The following MMP26 variants were observed in gnomAD, a reference collection of about 807,000 sequenced individuals.
MMP26 encodes matrix metallopeptidase 26.
Under a neutral mutation model 31.0 loss-of-function variants are expected in MMP26, and 33 were observed. That is an observed-to-expected ratio of 1.06 (90% CI 0.81 to 1.42). MMP26 has a LOEUF of 1.42. Ranked by LOEUF, MMP26 falls within the 40% of genes most tolerant of loss-of-function variation. The pLI is 0.00. For synonymous variants in MMP26, 122 were observed against 114.9 expected (o/e 1.06, Z -0.40); for missense variants, 347 against 316.1 (o/e 1.10, Z -0.74).
chr11:4,939,852 A>G (rs1271979459), intron 2 of MMP26, among the ~76,000 whole-genome samples: 1 of 152,116 alleles, frequency 6.6e-6, no homozygotes, highest in East Asian at 1.9e-4. Flanking sequence ...AAGATATATC[A>G]CTTATGAATT....
chr11:4,920,970 A>T (rs1851174832), intron 2 of MMP26, among the ~76,000 whole-genome samples: 1 of 152,226 alleles, frequency 6.6e-6, no homozygotes, highest in African/African-American at 2.4e-5. Context: ...CTATATGAAC[A>T]AGTGAATATT....
intron 2 of MMP26, chr11:4,821,693 C>T: frequency 6.2e-7 from 1 of 1,613,976 alleles, no homozygotes; most frequent in Non-Finnish European, 8.5e-7. Context: ...TGGTTTGAAG[C>T]CCGAGAAATC....
intron 2 of MMP26, chr11:4,848,420 G>T: frequency 3.7e-6 from 6 of 1,613,926 alleles, no homozygotes; most frequent in South Asian, 1.1e-5. Flanking sequence ...GTGCCAGGAG[G>T]ATCATAGGGA....
chr11:4,848,891 A>G (rs377187372), intron 2 of MMP26: 7 of 1,614,196 alleles, frequency 4.3e-6, no homozygotes, highest in Non-Finnish European at 5.9e-6. Flanking sequence ...CCATCTGTAG[A>G]AGGCAGGCTG....
chr11:4,724,055 G>T, intron 1 of MMP26: 1 of 658,350 alleles, frequency 1.5e-6, no homozygotes. Flanking sequence ...GTACCACTGG[G>T]GAAAAGCTTG....
chr11:4,835,229 C>CACACACAG (rs1158834424), intron 2 of MMP26, among the ~76,000 whole-genome samples: 2 of 151,636 alleles, frequency 1.3e-5, no homozygotes, highest in Non-Finnish European at 2.9e-5. Context: ...CACACACACA[C>CACACACAG]ACACATACAC....
intron 1 of MMP26, among the ~76,000 whole-genome samples, chr11:4,740,693 A>C (rs575049441): frequency 0.097 from 14,759 of 151,710 alleles, 819 homozygotes; most frequent in Non-Finnish European, 0.12. Flanking sequence ...AAAAAAAAAA[A>C]AAAAAGAAAC....
chr11:4,712,940 TG>T (rs1160200521), intron 1 of MMP26, among the ~76,000 whole-genome samples: 13 of 152,094 alleles, frequency 8.5e-5, no homozygotes, highest in Non-Finnish European at 7.4e-5. Flanking sequence ...AAACAATGGT[TG>T]TTTAAAACTG....
chr11:4,961,501 T>G (rs941967976), intron 2 of MMP26, among the ~76,000 whole-genome samples: 7 of 152,206 alleles, frequency 4.6e-5, no homozygotes, highest in African/African-American at 1.4e-4. Flanking sequence ...TCCAGTCAAG[T>G]TGACACCTAA....
intron 2 of MMP26, among the ~76,000 whole-genome samples, chr11:4,772,832 G>A (rs964617783): frequency 6.6e-6 from 1 of 152,036 alleles, no homozygotes; most frequent in African/African-American, 2.4e-5. Context: ...TTTTGTTTAG[G>A]TATCAATAAT....
At position 4,716,650 on chromosome 11, in the gene MMP26, C is replaced by CTTTTTTTTTTTTTT. The variant is rs71050424; in HGVS notation, c.-217+11620_-217+11633dup. ...ATTCCATACTTGATCTCTCTTACCTCTTTTTTTTTTTTTTTTTTTTTTTTT... is the reference window on the plus strand; with the variant it reads ...ATTCCATACTTGATCTCTCTTACCTCTTTTTTTTTTTTTTTTTTTTTTTTTTTTTTTTTTTTTTT... On this transcript the variant is annotated intron_variant, in intron 1 of 7. Transcript: ENST00000380390. Among the ~76,000 whole-genome samples the CTTTTTTTTTTTTTT allele has an allele frequency of 9.2e-5, 6 of 65,042 alleles. 1 individual carries two copies. The highest frequency in any genetic ancestry group is 2.0e-4 in the African/African-American group (3 of 14,748). 42.7% of individuals were successfully genotyped at this position (65,042 alleles called of 152,430 possible).
chr11:4,907,900 A>G, intron 2 of MMP26: 1 of 1,614,082 alleles, frequency 6.2e-7, no homozygotes, highest in Non-Finnish European at 8.5e-7. Flanking sequence ...TTTCTCACTC[A>G]TACTGTCTTC....
At chr11:4,951,981 T>C (rs1359145334) in intron 2 of MMP26, among the ~76,000 whole-genome samples, 2 of 124,350 alleles carry the variant, frequency 1.6e-5, no homozygotes, top group Non-Finnish European at 3.6e-5. Flanking sequence ...AGCACTTAAG[T>C]GTCCTGTAGC....
intron 2 of MMP26, among the ~76,000 whole-genome samples, chr11:4,777,341 A>C (rs576287575): frequency 6.6e-6 from 1 of 152,190 alleles, no homozygotes; most frequent in African/African-American, 2.4e-5. Context: ...GGTAAAATTC[A>C]AACACAGATT....
intron 2 of MMP26, chr11:4,908,448 G>T (rs571169896): frequency 9.4e-6 from 7 of 747,598 alleles, no homozygotes; most frequent in South Asian, 7.6e-5. Flanking sequence ...TTATAATAAA[G>T]TTGAGAATAT....
At chr11:4,939,102 C>T (rs1846171459) in intron 2 of MMP26, among the ~76,000 whole-genome samples, 1 of 152,102 alleles carries the variant, frequency 6.6e-6, no homozygotes, top group Non-Finnish European at 1.5e-5. Flanking sequence ...GTCCCATTCA[C>T]ACAAAATAGC....
chr11:4,926,866 G>A (rs147565794), intron 2 of MMP26, among the ~76,000 whole-genome samples: 443 of 152,316 alleles, frequency 2.9e-3, no homozygotes, highest in African/African-American at 8.3e-3. Flanking sequence ...ACTTAGTAAA[G>A]TCTGCTCAAT....
At chr11:4,862,975 C>T (rs1850184423) in intron 2 of MMP26, among the ~76,000 whole-genome samples, 1 of 152,132 alleles carries the variant, frequency 6.6e-6, no homozygotes, top group Admixed American at 6.6e-5. Flanking sequence ...CAAGTGAGAG[C>T]CTTCACTTGT....
At chr11:4,735,493 A>G (rs1017520949) in intron 1 of MMP26, among the ~76,000 whole-genome samples, 3 of 152,138 alleles carry the variant, frequency 2.0e-5, no homozygotes, top group Admixed American at 6.5e-5. Flanking sequence ...AGCTCAAACA[A>G]CACATTGTGA....
Sources: gnomAD v4.1 joint callset for allele counts (sites outside exome capture counted in the v4.1 genomes callset) on GRCh38, gnomAD v4.1.1 for gene constraint, MANE v1.5 for transcripts, NCBI Gene and HGNC (gene_info 2026-07-23, HGNC 2026-07-21) for gene names.